The following GAS7 variants were observed in gnomAD, a reference collection of about 807,000 sequenced individuals.
GAS7 encodes the protein growth arrest specific 7, also known as growth arrest-specific protein 7.
A neutral mutation model predicts 71.1 loss-of-function variants in GAS7; 28 were observed. The ratio of observed to expected loss-of-function variants is 0.39; its 90% CI spans 0.29 to 0.54. The LOEUF is 0.54. Ranked by LOEUF, GAS7 falls within the 20% of genes least tolerant of loss-of-function variation. The probability of loss-of-function intolerance (pLI) is 0.62; values close to 1 mark genes in which losing one functional copy is unlikely to be tolerated. For missense variants in GAS7, 436 were observed against 627.8 expected, an observed-to-expected ratio of 0.69 and a Z score of 3.27; for synonymous variants, 258 against 245.8, an observed-to-expected ratio of 1.05 and a Z score of -0.46.
intron 1 of GAS7, among the ~76,000 whole-genome samples, chr17:10,117,083 T>G (rs1046040114): frequency 6.6e-6 from 1 of 152,178 alleles, no homozygotes; most frequent in African/African-American, 2.4e-5. Context: ...TTCACAGGGC[T>G]AAAGTCAAGA....
intron 1 of GAS7, among the ~76,000 whole-genome samples, chr17:10,133,156 C>A (rs1397252459): frequency 1.4e-5 from 2 of 140,044 alleles, no homozygotes. Flanking sequence ...TGGAGTCTCG[C>A]TCTGTCGCCC....
intron 4 of GAS7, among the ~76,000 whole-genome samples, chr17:9,964,387 G>A (rs2069621837): frequency 6.6e-6 from 1 of 152,122 alleles, no homozygotes. Flanking sequence ...TGGCTTCCCA[G>A]TGCAGTTAGG....
intron 1 of GAS7, among the ~76,000 whole-genome samples, chr17:10,051,948 AG>A (rs2073067937): frequency 6.6e-6 from 1 of 152,186 alleles, no homozygotes; most frequent in African/African-American, 2.4e-5. Flanking sequence ...TAGTAGCTAA[AG>A]GACTACTGTG....
At chr17:10,124,556 A>C (rs1377183365) in intron 1 of GAS7, among the ~76,000 whole-genome samples, 1 of 152,218 alleles carries the variant, frequency 6.6e-6, no homozygotes, top group East Asian at 1.9e-4. Flanking sequence ...TTCGGCCTGC[A>C]AATGCCAGGC....
intron 1 of GAS7, among the ~76,000 whole-genome samples, chr17:10,104,555 T>C (rs567885953): frequency 6.6e-6 from 1 of 152,312 alleles, no homozygotes; most frequent in African/African-American, 2.4e-5. Flanking sequence ...CCTGGCTACC[T>C]ATCATCCCTA....
intron 1 of GAS7, among the ~76,000 whole-genome samples, chr17:10,161,860 C>A (rs140182640): frequency 6.6e-6 from 1 of 151,924 alleles, no homozygotes; most frequent in African/African-American, 2.4e-5. Context: ...GTCAGGAGAT[C>A]GAGACCATCC....
chr17:9,961,617 G>C (rs1422139108), intron 4 of GAS7, among the ~76,000 whole-genome samples: 1 of 152,218 alleles, frequency 6.6e-6, no homozygotes, highest in Non-Finnish European at 1.5e-5. Context: ...GGGCTAAGGG[G>C]AGAAGCAGTG....
chr17:10,052,198 AAAGGCAGTTCCC>A (rs2073071765), intron 1 of GAS7, among the ~76,000 whole-genome samples: 1 of 152,178 alleles, frequency 6.6e-6, no homozygotes, highest in African/African-American at 2.4e-5. Context: ...GAGAACTGCA[AAAGGCAGTTCCC>A]AAAACACTTT....
At chr17:10,067,434 G>A (rs1031760434) in intron 1 of GAS7, among the ~76,000 whole-genome samples, 2 of 151,774 alleles carry the variant, frequency 1.3e-5, no homozygotes, top group Non-Finnish European at 2.9e-5. Context: ...TAGTAGAGAC[G>A]GGGTTTCACC....
At chr17:10,039,590 G>A (rs1034910826) in intron 1 of GAS7, among the ~76,000 whole-genome samples, 3 of 152,168 alleles carry the variant, frequency 2.0e-5, no homozygotes, top group Non-Finnish European at 4.4e-5. Flanking sequence ...GGCTGAGGCA[G>A]GAGAATTACT....
chr17:9,927,780 G>T (rs1365671823), intron 9 of GAS7, among the ~76,000 whole-genome samples: 3 of 152,200 alleles, frequency 2.0e-5, no homozygotes, highest in African/African-American at 7.2e-5. Flanking sequence ...GAATACAAAG[G>T]TGAGCTAGAC....
At chr17:10,087,150 C>A (rs1003223666) in intron 1 of GAS7, among the ~76,000 whole-genome samples, 2 of 152,226 alleles carry the variant, frequency 1.3e-5, no homozygotes, top group Non-Finnish European at 2.9e-5. Context: ...ATCCACCAGA[C>A]CAGGAGACTG....
At position 10,009,318 on chromosome 17, in the gene GAS7, C is replaced by CAAAAAAA. The variant is rs541133967; in HGVS notation, c.304+10452_304+10458dup. On this transcript the variant is annotated intron_variant, in intron 2 of 13. Coordinates refer to ENST00000432992, the MANE Select transcript of GAS7 (RefSeq NM_201433.2). ...TCTGGGCGACAGAGCGAGACTCCGT[C>CAAAAAAA]AAAAAAAAAAAAAAAAAAGTGTTCT... Among the ~76,000 whole-genome samples, 85 of 78,540 alleles carry CAAAAAAA rather than the reference C, an allele frequency of 1.1e-3. 6 individuals are homozygous for CAAAAAAA. Among genetic ancestry groups the CAAAAAAA allele is most frequent in the African/African-American group, 2.5e-3 (55 of 21,582 alleles). 51.5% of individuals were successfully genotyped at this position (78,540 alleles called of 152,430 possible).
At chr17:9,947,053 G>C (rs770219745) in intron 5 of GAS7, 70 bp from the exon 6 acceptor site, 188 of 1,020,008 alleles carry the variant, frequency 1.8e-4, no homozygotes, top group Non-Finnish European at 2.7e-4. Flanking sequence ...TTCGGCTCCT[G>C]GGGGACACGG....
At position 9,933,201 on chromosome 17, in the gene GAS7, A is replaced by C. The variant is rs11656904; in HGVS notation, c.885+965T>G. On this transcript the variant is annotated intron_variant, in intron 9 of 13. Transcript: ENST00000432992. The stretch of plus-strand genomic sequence containing the variant: ...TCAATAAATCAATAAATCAATCAAT[A>C]AATAAATGAATAAATAAATAAAGAA... Among the ~76,000 whole-genome samples the C allele has an allele frequency of 1.3e-3, 193 of 152,248 alleles. 2 individuals are homozygous for C. The highest frequency in any genetic ancestry group is 1.9e-3 in the Non-Finnish European group (132 of 68,012).
At chr17:10,068,971 C>CT (rs2073312192) in intron 1 of GAS7, among the ~76,000 whole-genome samples, 1 of 152,168 alleles carries the variant, frequency 6.6e-6, no homozygotes, top group Non-Finnish European at 1.5e-5. Flanking sequence ...TCATTACAGA[C>CT]TCAGTGCCCA....
intron 1 of GAS7, among the ~76,000 whole-genome samples, chr17:10,118,786 C>T (rs536617887): frequency 6.6e-6 from 1 of 151,542 alleles, no homozygotes; most frequent in South Asian, 2.1e-4. Context: ...CCCCCGGGGC[C>T]CAGTTAACCA....
At chr17:10,095,940 C>T (rs539290416) in intron 1 of GAS7, among the ~76,000 whole-genome samples, 1 of 152,264 alleles carries the variant, frequency 6.6e-6, no homozygotes, top group East Asian at 1.9e-4. Flanking sequence ...AGTCACTGAT[C>T]CACCTTCCTG....
intron 8 of GAS7, 70 bp from the exon 9 acceptor site, chr17:9,934,314 C>CTCCCCGAG: frequency 9.6e-7 from 1 of 1,045,874 alleles, no homozygotes; most frequent in Non-Finnish European, 1.5e-6. Flanking sequence ...GGTGGGGCTC[C>CTCCCCGAG]ACCCCAGGTC....
Sources: allele counts gnomAD v4.1 joint callset (sites outside exome capture counted in the v4.1 genomes callset), GRCh38; gene constraint gnomAD v4.1.1; transcripts MANE v1.5; gene names NCBI Gene and HGNC (gene_info 2026-07-23, HGNC 2026-07-21).